The following DNAJC3 variants were observed in gnomAD, a reference collection of about 807,000 sequenced individuals.
DNAJC3 encodes dnaJ homolog subfamily C member 3.
In DNAJC3, 38 loss-of-function variants were observed where a neutral mutation model predicts 68.6. The observed-to-expected ratio is 0.55, with a 90% confidence interval of 0.43 to 0.73. The LOEUF is 0.73. DNAJC3 is among the 30% of genes least tolerant of loss of function. DNAJC3 has a pLI of 0.00. For synonymous variants in DNAJC3, 203 were observed against 204.0 expected, an observed-to-expected ratio of 1.00 and a Z score of 0.04; for missense variants, 526 against 591.9, an observed-to-expected ratio of 0.89 and a Z score of 1.16.
chr13:95,709,435 T>C (rs1880877003), intron 2 of DNAJC3, 98 bp downstream of exon 2: 1 of 839,382 alleles, frequency 1.2e-6, no homozygotes, highest in Non-Finnish European at 1.8e-6. Context: ...CATTATTTCA[T>C]GTTTAAATAA....
chr13:95,687,935 G>A (rs1880112654), intron 1 of DNAJC3, among the ~76,000 whole-genome samples: 1 of 152,120 alleles, frequency 6.6e-6, no homozygotes, highest in African/African-American at 2.4e-5. Context: ...ATTTGCTTGT[G>A]TCATGTATGA....
chr13:95,692,119 G>GGGGAGAGGGAGA (rs370295448), intron 1 of DNAJC3, among the ~76,000 whole-genome samples: 3 of 146,876 alleles, frequency 2.0e-5, no homozygotes, highest in African/African-American at 2.7e-5. Context: ...GGGAGACTGT[G>GGGGAGAGGGAGA]GGGAGAGGGA....
intron 9 of DNAJC3, among the ~76,000 whole-genome samples, chr13:95,781,343 A>G (rs1363612460): frequency 6.6e-6 from 1 of 152,042 alleles, no homozygotes; most frequent in Non-Finnish European, 1.5e-5. Flanking sequence ...CCTTATAGCT[A>G]CTTCAGCTTG....
chr13:95,751,048 A>C (rs1882463494), intron 4 of DNAJC3, among the ~76,000 whole-genome samples: 1 of 152,144 alleles, frequency 6.6e-6, no homozygotes, highest in African/African-American at 2.4e-5. Flanking sequence ...CAACCTAGGC[A>C]ACATAGTGAG....
chr13:95,767,756 A>G lies in DNAJC3; in HGVS notation c.1075+3803A>G, dbSNP rs557905939. On this transcript the variant is annotated intron_variant, in intron 9 of 11. Coordinates refer to ENST00000602402, the MANE Select transcript of DNAJC3 (RefSeq NM_006260.5). ...CCAGGCTGAAGTGCAGTGGTGCAATATGGGCTCACTGCAACCTCCATCTCC... is the reference window on the plus strand; with the variant it reads ...CCAGGCTGAAGTGCAGTGGTGCAATGTGGGCTCACTGCAACCTCCATCTCC... Among the ~76,000 whole-genome samples, 8 of 148,804 alleles carry G rather than the reference A, an allele frequency of 5.4e-5. No homozygotes were observed. The South Asian group carries it at 1.5e-3, about 28-fold the overall frequency.
In DNAJC3 at chr13:95,677,218, A is replaced by T. The variant is rs952875604; in HGVS notation, c.-38A>T. The T allele has an allele frequency of 4.4e-6, 7 of 1,585,580 alleles. 1 individual carries two copies. The highest frequency in any genetic ancestry group is 1.7e-5 in the Admixed American group (1 of 57,634). On this transcript the variant is annotated 5_prime_UTR_variant, in exon 1 of 12. Coordinates refer to ENST00000602402, the MANE Select transcript of DNAJC3 (RefSeq NM_006260.5). Reference sequence around the variant, plus strand: ...GAGCGCCGGCGCGTGCTGGTGGGCCACACACCTTTCCTCCTCTTCACTCGC... The same window carrying T: ...GAGCGCCGGCGCGTGCTGGTGGGCCTCACACCTTTCCTCCTCTTCACTCGC...
chr13:95,723,175 A>G, intron 2 of DNAJC3, 67 bp from the exon 3 acceptor site: 1 of 1,446,910 alleles, frequency 6.9e-7, no homozygotes, highest in East Asian at 2.5e-5. Context: ...TGTCCAGGTG[A>G]TTTGTTTTTT....
At chr13:95,735,689 T>C (rs1324901022) in intron 4 of DNAJC3, among the ~76,000 whole-genome samples, 2 of 149,968 alleles carry the variant, frequency 1.3e-5, no homozygotes, top group Non-Finnish European at 3.0e-5. Flanking sequence ...TCTTGTAAAT[T>C]TGTTTGAGTT....
chr13:95,703,708 A>G (rs1439272678), intron 1 of DNAJC3, among the ~76,000 whole-genome samples: 2 of 152,214 alleles, frequency 1.3e-5, no homozygotes, highest in Non-Finnish European at 2.9e-5. Context: ...AAAATATGCA[A>G]AGCTACTGCA....
intron 1 of DNAJC3, chr13:95,694,727 A>T (rs932856490): frequency 2.0e-5 from 3 of 152,662 alleles, no homozygotes; most frequent in Admixed American, 6.5e-5. Context: ...TTCTGGCCAT[A>T]CACTACACAC....
intron 10 of DNAJC3, 27 bp from the exon 11 acceptor site, chr13:95,786,980 A>G (rs1439361743): frequency 1.9e-6 from 3 of 1,590,222 alleles, no homozygotes; most frequent in South Asian, 2.3e-5. Flanking sequence ...TTTTCCACTA[A>G]TGATTATTTA....
chr13:95,784,994 G>GTGGA (rs1883556245), intron 9 of DNAJC3, among the ~76,000 whole-genome samples: 1 of 152,150 alleles, frequency 6.6e-6, no homozygotes, highest in Admixed American at 6.5e-5. Flanking sequence ...AAGATGTAAT[G>GTGGA]TGGATAGTCA....
intron 4 of DNAJC3, among the ~76,000 whole-genome samples, chr13:95,739,344 G>GT (rs1470154146): frequency 1.3e-5 from 2 of 150,972 alleles, no homozygotes; most frequent in Non-Finnish European, 3.0e-5. Context: ...GGCATTCTCT[G>GT]TATTTCCTGA....
At chr13:95,785,827 CAA>C in intron 9 of DNAJC3, 110 bp from the exon 10 acceptor site, 1 of 1,016,166 alleles carries the variant, frequency 9.8e-7, no homozygotes, top group Non-Finnish European at 1.4e-6. Context: ...CAATAATGGC[CAA>C]AGAGTGAAGG....
chr13:95,742,975 G>A lies in DNAJC3; in HGVS notation c.394-14669G>A, dbSNP rs939977731. On this transcript the variant is annotated intron_variant, in intron 4 of 11. Transcript: ENST00000602402. ...TGTATGATGGTATGAGGTTTAGGTC[G>A]AAGTTCATTTGTTTTGCCTTTAGGT... The A allele has an allele frequency of 1.9e-5, 8 of 421,540 alleles. 1 individual carries two copies. Among genetic ancestry groups the A allele is most frequent in the African/African-American group, 4.2e-5 (2 of 48,142 alleles). 26.1% of individuals were successfully genotyped at this position (421,540 alleles called of 1,614,324 possible). A position where few individuals can be genotyped will look rare whatever the true frequency, so the allele number is the denominator to read the frequency against.
chr13:95,720,443 G>A (rs115857227), intron 2 of DNAJC3, among the ~76,000 whole-genome samples: 158 of 152,266 alleles, frequency 1.0e-3, no homozygotes, highest in African/African-American at 3.8e-3. Context: ...TGCTTGGATA[G>A]CCACTGTTGA....
chr13:95,707,115 A>G (rs532270915), intron 1 of DNAJC3, among the ~76,000 whole-genome samples: 1 of 152,280 alleles, frequency 6.6e-6, no homozygotes, highest in South Asian at 2.1e-4. Context: ...TTAGATTCTC[A>G]TAAGGAATGC....
chr13:95,698,925 G>A (rs1880519520), intron 1 of DNAJC3, among the ~76,000 whole-genome samples: 1 of 152,214 alleles, frequency 6.6e-6, no homozygotes, highest in Admixed American at 6.5e-5. Context: ...TTTTATATCT[G>A]AAGGGATTTA....
chr13:95,766,979 C>T (rs761415022), intron 9 of DNAJC3, among the ~76,000 whole-genome samples: 7 of 152,092 alleles, frequency 4.6e-5, no homozygotes, highest in Non-Finnish European at 8.8e-5. Flanking sequence ...GTATTACAGG[C>T]ATGAGCCACC....
Sources: gnomAD v4.1 joint callset for allele counts (sites outside exome capture counted in the v4.1 genomes callset) on GRCh38, gnomAD v4.1.1 for gene constraint, MANE v1.5 for transcripts, NCBI Gene and HGNC (gene_info 2026-07-23, HGNC 2026-07-21) for gene names.